Variants in BRD4 observed in about 807,000 individuals in gnomAD.
The protein encoded by BRD4 is bromodomain containing 4.
A neutral mutation model predicts 142.1 loss-of-function variants in BRD4; 16 were observed. The ratio of observed to expected loss-of-function variants is 0.11; its 90% CI spans 0.08 to 0.17. BRD4 has a LOEUF of 0.17. Ranked by LOEUF, BRD4 falls within the 10% of genes least tolerant of loss-of-function variation. The pLI is 1.00. For synonymous variants in BRD4, 833 were observed against 707.5 expected (o/e 1.18, Z -2.82); for missense variants, 1,424 against 1,810.9 (o/e 0.79, Z 3.88).
At chr19:15,307,374 G>C (rs2047923379) in intron 1 of BRD4, among the ~76,000 whole-genome samples, 1 of 152,088 alleles carries the variant, frequency 6.6e-6, no homozygotes, top group African/African-American at 2.4e-5. Context: ...AGGGAAACAG[G>C]ATCAAAGATT....
At chr19:15,328,268 G>A (rs962557561) in intron 1 of BRD4, among the ~76,000 whole-genome samples, 1 of 152,002 alleles carries the variant, frequency 6.6e-6, no homozygotes, top group Non-Finnish European at 1.5e-5. Context: ...ATTTAAAAAT[G>A]TGTTCAATGT....
chr19:15,253,901 T>C (rs2076515556), intron 11 of BRD4: 1 of 902,462 alleles, frequency 1.1e-6, no homozygotes, highest in African/African-American at 1.7e-5. Context: ...CCTTGGCCAT[T>C]CATCCTCCAT....
rs150535175 is a variant in BRD4 at position 15,239,409 on chromosome 19, G to C, written c.3559C>G (p.Pro1187Ala). 6.2e-7 allele frequency: 1 copy of C among 1,614,216 alleles called. No homozygotes were observed. Among genetic ancestry groups the C allele is most frequent in the Non-Finnish European group, 8.5e-7 (1 of 1,180,036 alleles). Residue 1187 changes from proline to alanine, a missense_variant, in exon 17 of 20, where the codon CCA becomes GCA. Pro to Ala is a conservative substitution (Grantham distance 27, BLOSUM62 -1). Around this residue, in one of 16 missense-constraint regions of BRD4, gnomAD observed 49 missense variants for 97.3 expected, o/e 0.50. Transcript: ENST00000679869. This position sits in a 1 kb window ranked among gnomAD's most constrained non-coding sequence, Gnocchi z 7.4. ...KDKQKQEPKT[P>A]VAPKKDLKIK... The stretch of plus-strand genomic sequence containing the variant: ...ATCCCAACCTTTTTGGGCGCAACTG[G>C]AGTCTTCGGCTCCTGTTTCTGTTTG...
At chr19:15,303,515 G>C (rs2047889061) in intron 1 of BRD4, among the ~76,000 whole-genome samples, 1 of 152,152 alleles carries the variant, frequency 6.6e-6, no homozygotes, top group African/African-American at 2.4e-5. Flanking sequence ...GCCTTAAACA[G>C]GACAATTCAG....
intron 8 of BRD4, among the ~76,000 whole-genome samples, chr19:15,256,654 C>T (rs1217924921): frequency 3.9e-5 from 6 of 152,138 alleles, no homozygotes; most frequent in Non-Finnish European, 8.8e-5. Flanking sequence ...AACAGGTAGC[C>T]CCAGGAGAGA....
In BRD4 at chr19:15,254,231, G is replaced by A; in HGVS notation, c.2079C>T (p.Ser693=). ...AEKVDVIAGS[S]KMKGFSSSES... ...CTGAGGACGAGAAGCCCTTCATCTT[G>A]GAGGAGCCGGCAATCACATCAACTT... Residue 693 remains serine, a synonymous_variant, in exon 11 of 20, where the codon TCC becomes TCT. Transcript: ENST00000679869. 6.2e-6 allele frequency: 10 copies of A among 1,614,240 alleles called. No individual in the cohort carries two copies. The South Asian group carries it at 7.7e-5, about 12-fold the overall frequency.
chr19:15,256,207 T>C lies in BRD4; in HGVS notation c.1608A>G (p.Pro536=). Reference sequence around the variant, plus strand: ...CCTTCTTGTCTTTCTCCTTTTTCTTTGGTTTGTTCTGCTGGGGCTGAGAGA... The same window carrying C: ...CCTTCTTGTCTTTCTCCTTTTTCTTCGGTTTGTTCTGCTGGGGCTGAGAGA... ...AALSQPQQNK[P]KKKEKDKKEK... is the part of the protein sequence containing the mutation. The change falls in exon 9 of 20, where the codon CCA becomes CCG. Residue 536 remains proline, a synonymous_variant. Transcript: ENST00000679869. 1 of 1,613,506 alleles carries C rather than the reference T, an allele frequency of 6.2e-7. No individual in the cohort carries two copies. Among genetic ancestry groups the C allele is most frequent in the Middle Eastern group, 1.8e-4 (1 of 5,480 alleles).
At position 15,269,077 on chromosome 19, in the gene BRD4, A is replaced by AG. The variant is rs1048714697; in HGVS notation, c.286-36dup. On this transcript the variant is annotated intron_variant, in intron 2 of 19. Coordinates refer to ENST00000679869, the MANE Select transcript of BRD4 (RefSeq NM_001379291.1). ...AGAGAGCAAAAGTCCAGTGTCACCT[A>AG]GGCAGCCAGGCAGCACAAACGCTGG... 1.9e-6 allele frequency: 3 copies of AG among 1,610,714 alleles called. No individual in the cohort carries two copies. In the African/African-American group the frequency reaches 4.0e-5, roughly 22 times the overall value.
Position 15,238,623 on chromosome 19 carries a change from C to A in BRD4, c.4020+120G>T. 6.8e-7 allele frequency: 1 copy of A among 1,460,804 alleles called. No individual in the cohort carries two copies. The highest frequency in any genetic ancestry group is 9.1e-7 in the Non-Finnish European group (1 of 1,103,340). 90.5% of individuals were successfully genotyped at this position (1,460,804 alleles called of 1,614,324 possible). ...ACAGCTGAGTCCAGAGGACCACATGCCGACCAGCAGGGACGGGGCTCCCCC... is the reference window on the plus strand; with the variant it reads ...ACAGCTGAGTCCAGAGGACCACATGACGACCAGCAGGGACGGGGCTCCCCC... On this transcript the variant is annotated intron_variant, in intron 19 of 19. Transcript: ENST00000679869. The surrounding 1 kb of genome is among the most constrained non-coding windows in gnomAD (Gnocchi z 7.2).
chr19:15,255,252 G>C (rs775032966), intron 10 of BRD4, 45 bp downstream of exon 10: 1 of 1,572,328 alleles, frequency 6.4e-7, no homozygotes, highest in East Asian at 2.3e-5. Context: ...GTTACTCTGA[G>C]GGTGCCCACA....
At chr19:15,265,309 C>A in intron 5 of BRD4, 45 bp downstream of exon 5, 1 of 1,454,766 alleles carries the variant, frequency 6.9e-7, no homozygotes. Context: ...GACAGGGCCG[C>A]TCTCCTCCCT....
At chr19:15,283,536 AT>A (rs1210240350) in intron 1 of BRD4, among the ~76,000 whole-genome samples, 1 of 152,206 alleles carries the variant, frequency 6.6e-6, no homozygotes, top group East Asian at 1.9e-4. Context: ...CAAGAGAGAG[AT>A]GAGTGAAATG....
At position 15,254,166 on chromosome 19, in the gene BRD4, T is replaced by C. The variant is rs2145565813; in HGVS notation, c.2144A>G (p.Glu715Gly). The part of the protein sequence containing the change: ...SSSESSSSDS[E>G]DSETEMAPKS... Reference sequence around the variant, plus strand: ...AGTCACCTAACCTGTTTCGGAGTCTTCGCTGTCAGAGGAGCTGGACTCACT... The same window carrying C: ...AGTCACCTAACCTGTTTCGGAGTCTCCGCTGTCAGAGGAGCTGGACTCACT... Residue 715 changes from glutamate to glycine, a missense_variant, in exon 11 of 20, where the codon GAA (glutamate) becomes GGA (glycine). By Grantham distance (98) the Glu-to-Gly change is moderately conservative. Coordinates refer to ENST00000679869, the MANE Select transcript of BRD4 (RefSeq NM_001379291.1). The C allele has an allele frequency of 6.2e-7, 1 of 1,614,120 alleles. No homozygotes were observed. The highest frequency in any genetic ancestry group is 2.2e-5 in the East Asian group (1 of 44,880).
chr19:15,264,699 G>T lies in BRD4; in HGVS notation c.917C>A (p.Pro306Gln), dbSNP rs758051348. ...CTTGGGCTCCGGGGGCAGCGAGGGT[G>T]GCTCGTGAATGGGGTCAATGGTGGT... ...TPTTIDPIHE[P>Q]PSLPPEPKTT... is the part of the protein sequence containing the mutation. Residue 306 changes from proline (P) to glutamine (Q), a missense_variant, in exon 6 of 20, where the codon CCA becomes CAA. Transcript: ENST00000679869. 1.2e-6 allele frequency: 2 copies of T among 1,613,256 alleles called. No homozygotes were observed. The highest frequency in any genetic ancestry group is 2.2e-5 in the South Asian group (2 of 91,022).
chr19:15,302,041 C>A (rs571863492), intron 1 of BRD4, among the ~76,000 whole-genome samples: 2 of 151,850 alleles, frequency 1.3e-5, no homozygotes, highest in African/African-American at 4.8e-5. Context: ...GTGGCGCAGG[C>A]CTGTAATTCC....
chr19:15,272,851 G>A lies in BRD4; in HGVS notation c.249C>T (p.Phe83=). ...GCTTGACGGCATCCACAGGCTGCTG[G>A]AAAGGCCATGCAAACTGGTGTTTCC... ...TLWKHQFAWP[F]QQPVDAVKLN... Residue 83 remains phenylalanine (F), a synonymous_variant, in exon 2 of 20, where the codon TTC becomes TTT. Coordinates refer to ENST00000679869, the MANE Select transcript of BRD4 (RefSeq NM_001379291.1). The A allele has an allele frequency of 5.6e-6, 9 of 1,614,110 alleles. No homozygotes were observed. Among genetic ancestry groups the A allele is most frequent in the Non-Finnish European group, 7.6e-6 (9 of 1,180,016 alleles).
Position 15,238,357 on chromosome 19 carries a change from C to T in BRD4, c.*20G>A. The T allele has an allele frequency of 6.2e-7, 1 of 1,613,748 alleles. No homozygotes were observed. The highest frequency in any genetic ancestry group is 8.5e-7 in the Non-Finnish European group (1 of 1,179,828). The stretch of plus-strand genomic sequence containing the variant: ...CAATGTTTTGCCAGAAAATCAAAGT[C>T]AGAAGCCACCTAGGTGCGCTCAGAA... On this transcript the variant is annotated 3_prime_UTR_variant, in exon 20 of 20. Coordinates refer to ENST00000679869, the MANE Select transcript of BRD4 (RefSeq NM_001379291.1). The surrounding 1 kb of genome is among the most constrained non-coding windows in gnomAD (Gnocchi z 7.2).
At chr19:15,307,516 C>T (rs566365350) in intron 1 of BRD4, among the ~76,000 whole-genome samples, 1 of 152,172 alleles carries the variant, frequency 6.6e-6, no homozygotes, top group South Asian at 2.1e-4. Flanking sequence ...CCATTTTCAG[C>T]AAGTTCTAAT....
chr19:15,244,536 G>C lies in BRD4; in HGVS notation c.2276C>G (p.Pro759Arg). The C allele has an allele frequency of 6.3e-7, 1 of 1,583,940 alleles. No homozygotes were observed. The change falls in exon 13 of 20, where the codon CCG becomes CGG. Residue 759 changes from proline (P) to arginine (R), a missense_variant. Around this residue, in one of 16 missense-constraint regions of BRD4, gnomAD observed 598 missense variants for 647.8 expected, o/e 0.92. Coordinates refer to ENST00000679869, the MANE Select transcript of BRD4 (RefSeq NM_001379291.1). ...APAPVPQQPPPPPQQPPPPPP... is the reference protein window; with the variant it reads ...APAPVPQQPPRPPQQPPPPPP... ...AGGCGGTGGGGGCTGCTGGGGAGGC[G>C]GGGGCGGCTGCTGGGGCACAGGAGC... is the stretch of plus-strand genomic sequence containing the variant.
Sources: gnomAD v4.1 joint callset for allele counts (sites outside exome capture counted in the v4.1 genomes callset) on GRCh38, gnomAD v4.1.1 for gene constraint, gnomAD v4.1.1 regional missense constraint, Gnocchi (gnomAD v3.1) non-coding constraint, MANE v1.5 for transcripts, NCBI Gene and HGNC (gene_info 2026-07-23, HGNC 2026-07-21) for gene names.